MGA: variants seen among roughly 807,000 people sequenced by gnomAD.
MGA encodes MAX gene-associated protein.
In MGA, 40 loss-of-function variants were observed where a neutral mutation model predicts 261.1. That is an observed-to-expected ratio of 0.15 (90% CI 0.12 to 0.20). The LOEUF (loss-of-function observed/expected upper bound fraction) is 0.20. Among genes scored for constraint, MGA ranks in the 10% least tolerant of loss-of-function variants. MGA has a pLI of 1.00. For missense variants in MGA, 3,397 were observed against 3,630.5 expected (o/e 0.94, Z 1.65); for synonymous variants, 1,302 against 1,290.6 (o/e 1.01, Z -0.19).
At position 41,763,716 on chromosome 15, in the gene MGA, C is replaced by G. The variant is rs186165441; in HGVS notation, c.7745-1170C>G. ...TGAGATCACACCATTGCATTCCAGC[C>G]TGGGCAACAAGCACGAAACTCTGTC... On this transcript the variant is annotated intron_variant, in intron 22 of 23. Coordinates refer to ENST00000219905, the MANE Select transcript of MGA (RefSeq NM_001164273.2). 5.9e-5 allele frequency among the ~76,000 whole-genome samples: 9 copies of G among 152,012 alleles called. No individual in the cohort carries two copies. The East Asian group carries it at 1.8e-3, about 30-fold the overall frequency.
chr15:41,664,321 C>T (rs1308185156), intron 1 of MGA, among the ~76,000 whole-genome samples: 1 of 152,184 alleles, frequency 6.6e-6, no homozygotes, highest in Non-Finnish European at 1.5e-5. Flanking sequence ...GTAAAATTTA[C>T]TTCAAGTGCA....
chr15:41,641,008 C>T (rs1281999502), intron 1 of MGA, among the ~76,000 whole-genome samples: 2 of 152,174 alleles, frequency 1.3e-5, no homozygotes, highest in Non-Finnish European at 2.9e-5. Context: ...CCCAGTCTTC[C>T]CAGGCCTAGG....
Position 41,748,779 on chromosome 15 carries a change from T to G in MGA, c.5355T>G (p.His1785Gln). ...TCTCAAACACACAACTTCAGGGACA[T>G]CGGATGGTCTTGCAGCCTGTTAGGA... The change falls in exon 16 of 24, where the codon CAT (histidine) becomes CAG (glutamine). Residue 1785 changes from histidine to glutamine, a missense_variant. This residue lies in a region of MGA where 1,410 missense variants were observed against 1,386.4 expected (regional missense o/e 1.02). Coordinates refer to ENST00000219905, the MANE Select transcript of MGA (RefSeq NM_001164273.2). The G allele has an allele frequency of 6.2e-7, 1 of 1,613,898 alleles. No homozygotes were observed. The highest frequency in any genetic ancestry group is 1.1e-5 in the South Asian group (1 of 91,072).
chr15:41,748,866 G>T lies in MGA; in HGVS notation c.5442G>T (p.Leu1814Phe). The T allele has an allele frequency of 6.2e-7, 1 of 1,613,992 alleles. No individual in the cohort carries two copies. Among genetic ancestry groups the T allele is most frequent in the Non-Finnish European group, 8.5e-7 (1 of 1,179,878 alleles). Residue 1814 changes from leucine to phenylalanine, a missense_variant, in exon 16 of 24, where the codon TTG (leucine) becomes TTT (phenylalanine). This residue lies in a region of MGA where 1,410 missense variants were observed against 1,386.4 expected (regional missense o/e 1.02). Transcript: ENST00000219905. ...GGCAGATTGTCCAGCTTCTACCTTT[G>T]CATCAGCTTCGAGGCTCTAATACCC...
At chr15:41,733,922 CTTTTTT>C (rs143496306) in intron 11 of MGA, among the ~76,000 whole-genome samples, 7 of 145,256 alleles carry the variant, frequency 4.8e-5, no homozygotes, top group Non-Finnish European at 1.0e-4. Flanking sequence ...TTGTTTCTTT[CTTTTTT>C]TTTTCGAGAT....
chr15:41,649,767 C>T (rs1476240640), intron 1 of MGA, among the ~76,000 whole-genome samples: 1 of 152,180 alleles, frequency 6.6e-6, no homozygotes, highest in African/African-American at 2.4e-5. Context: ...GCAACCTCCG[C>T]CTCCCAGGTT....
At position 41,710,884 on chromosome 15, in the gene MGA, G is replaced by T; in HGVS notation, c.2619G>T (p.Lys873Asn). The stretch of plus-strand genomic sequence containing the variant: ...TACGAACACTTGATAGTGTACTAAA[G>T]AAGCAATCTACTATTTCCCCTTCTA... Residue 873 changes from lysine to asparagine, a missense_variant, in exon 8 of 24, where the codon AAG becomes AAT. Lys to Asn is a moderately conservative substitution (Grantham distance 94). Coordinates refer to ENST00000219905, the MANE Select transcript of MGA (RefSeq NM_001164273.2). 1 of 1,613,890 alleles carries T rather than the reference G, an allele frequency of 6.2e-7. No individual in the cohort carries two copies. The highest frequency in any genetic ancestry group is 8.5e-7 in the Non-Finnish European group (1 of 1,179,858).
chr15:41,677,860 T>C lies in MGA; in HGVS notation c.1064+7902T>C, dbSNP rs538210134. On this transcript the variant is annotated intron_variant, in intron 2 of 23. Transcript: ENST00000219905. ...ATTAGATAAATGATTTGCAAATCTTTTCTCTCATTCTGTGGGTTGTCTTTT... is the reference window on the plus strand; with the variant it reads ...ATTAGATAAATGATTTGCAAATCTTCTCTCTCATTCTGTGGGTTGTCTTTT... Among the ~76,000 whole-genome samples, 9 of 152,276 alleles carry C rather than the reference T, an allele frequency of 5.9e-5. No individual in the cohort carries two copies. In the East Asian group the frequency reaches 1.7e-3, roughly 29 times the overall value.
intron 2 of MGA, among the ~76,000 whole-genome samples, chr15:41,688,083 T>G (rs1393509583): frequency 6.6e-6 from 1 of 152,162 alleles, no homozygotes; most frequent in East Asian, 1.9e-4. Flanking sequence ...CTGATAAAAC[T>G]ATTTTATTTT....
chr15:41,706,448 A>T (rs1038193712), intron 5 of MGA, among the ~76,000 whole-genome samples: 2 of 151,578 alleles, frequency 1.3e-5, no homozygotes, highest in Admixed American at 6.6e-5. Context: ...TATGTATAGG[A>T]TACATGGGGT....
intron 20 of MGA, among the ~76,000 whole-genome samples, chr15:41,760,953 T>G (rs954064949): frequency 6.6e-6 from 1 of 152,218 alleles, no homozygotes; most frequent in African/African-American, 2.4e-5. Context: ...GTATTTTTAG[T>G]AGAGACGGGG....
rs1387022090 is a variant in MGA at position 41,651,158 on chromosome 15, T to A, written c.-67-17670T>A. Reference sequence around the variant, plus strand: ...CCCACTCCTGTGATAGCAACATTAATCCATTCATGAGGGCCCTGACCTCAT... The same window carrying A: ...CCCACTCCTGTGATAGCAACATTAAACCATTCATGAGGGCCCTGACCTCAT... On this transcript the variant is annotated intron_variant, in intron 1 of 8. Transcript: ENST00000566718. Among the ~76,000 whole-genome samples the A allele has an allele frequency of 2.0e-5, 3 of 152,130 alleles. No homozygotes were observed. In the East Asian group the frequency reaches 5.8e-4, roughly 29 times the overall value.
intron 1 of MGA, among the ~76,000 whole-genome samples, chr15:41,629,126 AG>A (rs1243551381): frequency 2.7e-5 from 4 of 150,352 alleles, no homozygotes; most frequent in Admixed American, 6.6e-5. Context: ...AAAAAAAAAA[AG>A]AAGCCATTGG....
chr15:41,763,236 A>G (rs980869781), intron 22 of MGA, among the ~76,000 whole-genome samples: 15 of 150,258 alleles, frequency 1.0e-4, no homozygotes, highest in Non-Finnish European at 1.9e-4. Flanking sequence ...AGTAGCTAGG[A>G]CTATAGGCGC....
At chr15:41,723,700 A>G (rs1231038892) in intron 9 of MGA, among the ~76,000 whole-genome samples, 1 of 152,148 alleles carries the variant, frequency 6.6e-6, no homozygotes, top group African/African-American at 2.4e-5. Flanking sequence ...GGTGTGAGCT[A>G]CTGCATCTGG....
At chr15:41,730,155 A>G (rs564000072) in intron 11 of MGA, among the ~76,000 whole-genome samples, 1 of 152,118 alleles carries the variant, frequency 6.6e-6, no homozygotes, top group African/African-American at 2.4e-5. Flanking sequence ...TGGCCTCCCA[A>G]AGTGCTGGGA....
chr15:41,633,997 C>T (rs747783504), intron 1 of MGA, among the ~76,000 whole-genome samples: 68 of 152,094 alleles, frequency 4.5e-4, no homozygotes, highest in Non-Finnish European at 9.1e-4. Flanking sequence ...TGGGCATATA[C>T]CCTTTCATTT....
chr15:41,749,601 A>G lies in MGA; in HGVS notation c.5994A>G (p.Gly1998=). The change falls in exon 17 of 24, where the codon GGA becomes GGG. Residue 1998 remains glycine, a synonymous_variant. Transcript: ENST00000219905. ...CGAAGAAGGTTCTACAGTCAGAAGG[A>G]GAGGCTGTAGACCCTGAGGCTAATG... 1 of 1,613,852 alleles carries G rather than the reference A, an allele frequency of 6.2e-7. No individual in the cohort carries two copies. The highest frequency in any genetic ancestry group is 8.5e-7 in the Non-Finnish European group (1 of 1,179,872).
chr15:41,623,066 A>T (rs2056348180), intron 1 of MGA, among the ~76,000 whole-genome samples: 1 of 152,246 alleles, frequency 6.6e-6, no homozygotes, highest in Non-Finnish European at 1.5e-5. Context: ...CCTACGAGGT[A>T]AGTACTGTTA....
Sources: allele counts gnomAD v4.1 joint callset (sites outside exome capture counted in the v4.1 genomes callset), GRCh38; gene constraint gnomAD v4.1.1; regional missense constraint gnomAD v4.1.1; transcripts MANE v1.5; gene names NCBI Gene and HGNC (gene_info 2026-07-23, HGNC 2026-07-21).